ASXL1: variants seen among roughly 807,000 people sequenced by gnomAD.
ASXL1 encodes ASXL transcriptional regulator 1.
A neutral mutation model predicts 89.1 loss-of-function variants in ASXL1; 65 were observed. That is an observed-to-expected ratio of 0.73 (90% CI 0.60 to 0.90). ASXL1 has a LOEUF of 0.90. Ranked by LOEUF, ASXL1 falls within the 40% of genes least tolerant of loss-of-function variation. The pLI, the probability that ASXL1 is intolerant of heterozygous loss-of-function variation, is 0.00. For synonymous variants in ASXL1, 739 were observed against 746.9 expected, an observed-to-expected ratio of 0.99 and a Z score of 0.17; for missense variants, 1,786 against 1,942.9, an observed-to-expected ratio of 0.92 and a Z score of 1.52.
chr20:32,409,815 C>G (rs2049014763), intron 4 of ASXL1, among the ~76,000 whole-genome samples: 1 of 152,084 alleles, frequency 6.6e-6, no homozygotes, highest in South Asian at 2.1e-4. Context: ...AATTATAAAG[C>G]AAAATTCTGG....
At chr20:32,370,250 A>G (rs2048280006) in intron 4 of ASXL1, among the ~76,000 whole-genome samples, 1 of 152,156 alleles carries the variant, frequency 6.6e-6, no homozygotes, top group African/African-American at 2.4e-5. Context: ...TGTGATATAT[A>G]TGGTAATCAT....
chr20:32,392,636 A>G (rs1448579540), intron 4 of ASXL1, among the ~76,000 whole-genome samples: 1 of 151,216 alleles, frequency 6.6e-6, no homozygotes, highest in Non-Finnish European at 1.5e-5. Flanking sequence ...CCTCTTTTCT[A>G]AGATAGACAT....
chr20:32,430,110 G>A (rs2123227002), intron 8 of ASXL1, 57 bp downstream of exon 8: 2 of 1,565,980 alleles, frequency 1.3e-6, no homozygotes, highest in Non-Finnish European at 1.7e-6. Context: ...CAGGCCTAGT[G>A]AGAAGATGAT....
At chr20:32,383,853 T>TG (rs1422811355) in intron 4 of ASXL1, among the ~76,000 whole-genome samples, 2 of 152,206 alleles carry the variant, frequency 1.3e-5, no homozygotes, top group Non-Finnish European at 2.9e-5. Context: ...GAAACAAGCA[T>TG]GAGGGCTCAG....
At chr20:32,383,399 C>T (rs1161175255) in intron 4 of ASXL1, among the ~76,000 whole-genome samples, 17 of 152,056 alleles carry the variant, frequency 1.1e-4, no homozygotes, top group East Asian at 1.9e-4. Flanking sequence ...CTCTGCCTCC[C>T]GGGTTCACGC....
intron 1 of ASXL1, chr20:32,359,821 A>G (rs1313838951): frequency 1.4e-6 from 1 of 717,862 alleles, no homozygotes; most frequent in Admixed American, 2.0e-5. Flanking sequence ...GATTACTCCC[A>G]CAAAGCTCAG....
At chr20:32,360,621 A>G (rs62206873) in intron 1 of ASXL1, 245 of 153,860 alleles carry the variant, frequency 1.6e-3, no homozygotes, top group Non-Finnish European at 2.7e-3. Context: ...TGTGTTATTT[A>G]TGTCTTGACA....
intron 4 of ASXL1, among the ~76,000 whole-genome samples, chr20:32,388,199 G>A (rs2048612476): frequency 6.6e-6 from 1 of 152,090 alleles, no homozygotes. Flanking sequence ...TTTTGAGACA[G>A]AGTCTTGCTC....
intron 4 of ASXL1, among the ~76,000 whole-genome samples, chr20:32,424,293 G>A (rs751589504): frequency 2.2e-4 from 33 of 152,312 alleles, no homozygotes; most frequent in Non-Finnish European, 3.5e-4. Flanking sequence ...CCAGTACTTT[G>A]GGAGGCTGAG....
At position 32,435,133 on chromosome 20, in the gene ASXL1, TCCTGC is replaced by T; in HGVS notation, c.2422_2426del (p.Pro808ArgfsTer12). The T allele has an allele frequency of 6.2e-7, 1 of 1,613,942 alleles. No individual in the cohort carries two copies. ...ATGATGAGGAGCAAGGACCCACCGTTCCTGCAGACAATGGTCCCATTCCGTCTCTA... is the reference window on the plus strand; with the variant it reads ...ATGATGAGGAGCAAGGACCCACCGTTAGACAATGGTCCCATTCCGTCTCTA... On this transcript the variant is annotated frameshift_variant, in exon 13 of 13. Coordinates refer to ENST00000375687, the MANE Select transcript of ASXL1 (RefSeq NM_015338.6). LOFTEE classifies it low-confidence loss of function (END_TRUNC).
chr20:32,435,340 G>A lies in ASXL1; in HGVS notation c.2628G>A (p.Arg876=), dbSNP rs2145370540. The part of the protein sequence containing the change: ...LGLGGSCPPM[R]ESDTRQENLK... ...TTGGTGGCTCATGCCCTCCTATGAG[G>A]GAAAGTGATACTAGACAAGAAAACT... The change falls in exon 13 of 13, where the codon AGG becomes AGA. Residue 876 remains arginine (R), a synonymous_variant. Transcript: ENST00000375687. The A allele has an allele frequency of 1.2e-6, 2 of 1,614,144 alleles. No homozygotes were observed. Among genetic ancestry groups the A allele is most frequent in the Non-Finnish European group, 1.7e-6 (2 of 1,180,032 alleles).
chr20:32,433,969 G>T (rs758483121), intron 12 of ASXL1, 52 bp downstream of exon 12: 45 of 1,603,382 alleles, frequency 2.8e-5, no homozygotes, highest in Middle Eastern at 4.4e-4. Context: ...TTCTTTGAGG[G>T]TCATGAGATT....
At chr20:32,432,711 A>G in intron 10 of ASXL1, 169 bp from the exon 11 acceptor site, 1 of 771,154 alleles carries the variant, frequency 1.3e-6, no homozygotes. Flanking sequence ...ACTTTAAGGA[A>G]GAGTGAATTT....
chr20:32,383,808 G>A (rs1381304504), intron 4 of ASXL1, among the ~76,000 whole-genome samples: 1 of 152,208 alleles, frequency 6.6e-6, no homozygotes, highest in East Asian at 1.9e-4. Context: ...AAATGGAACT[G>A]CAGAATATAA....
At chr20:32,369,962 G>A (rs1019559439) in intron 4 of ASXL1, among the ~76,000 whole-genome samples, 5 of 150,612 alleles carry the variant, frequency 3.3e-5, no homozygotes, top group Admixed American at 1.3e-4. Flanking sequence ...CTTGTGATCC[G>A]TCCGCCTTAG....
intron 4 of ASXL1, among the ~76,000 whole-genome samples, chr20:32,370,620 T>A (rs1368490490): frequency 6.6e-6 from 1 of 152,160 alleles, no homozygotes; most frequent in Non-Finnish European, 1.5e-5. Context: ...AACTTTTTCC[T>A]TTAAGTTTTG....
chr20:32,382,747 C>G (rs988370692), intron 4 of ASXL1, among the ~76,000 whole-genome samples: 5 of 152,070 alleles, frequency 3.3e-5, no homozygotes, highest in African/African-American at 4.8e-5. Context: ...GATTGTGCCA[C>G]TGCACTCCAG....
chr20:32,402,799 A>AT (rs1424147276), intron 4 of ASXL1, among the ~76,000 whole-genome samples: 4 of 151,914 alleles, frequency 2.6e-5, no homozygotes, highest in Admixed American at 6.6e-5. Flanking sequence ...TTCAAATTGG[A>AT]TTTTTTCTTA....
At chr20:32,394,749 G>A (rs547568487) in intron 4 of ASXL1, among the ~76,000 whole-genome samples, 1 of 150,542 alleles carries the variant, frequency 6.6e-6, no homozygotes, top group Non-Finnish European at 1.5e-5. Flanking sequence ...AGTCTCACTC[G>A]GTTGCCCAGG....
Sources: gnomAD v4.1 joint callset for allele counts (sites outside exome capture counted in the v4.1 genomes callset) on GRCh38, gnomAD v4.1.1 for gene constraint, MANE v1.5 for transcripts, NCBI Gene and HGNC (gene_info 2026-07-23, HGNC 2026-07-21) for gene names.